Variants in CLVS1 observed in about 807,000 individuals in gnomAD.
CLVS1 encodes clavesin 1, also known as clavesin-1.
CLVS1 carries 10 observed loss-of-function variants against 33.1 expected under a neutral mutation model. That is an observed-to-expected ratio of 0.30 (90% CI 0.19 to 0.51). CLVS1 has a LOEUF of 0.51. Ranked by LOEUF, CLVS1 falls within the 20% of genes least tolerant of loss-of-function variation. The pLI is 0.97. For synonymous variants in CLVS1, 163 were observed against 166.1 expected (o/e 0.98, Z 0.14); for missense variants, 343 against 433.4 (o/e 0.79, Z 1.85).
At chr8:61,223,121 C>A (rs1041409155) in intron 2 of CLVS1, among the ~76,000 whole-genome samples, 1 of 152,000 alleles carries the variant, frequency 6.6e-6, no homozygotes, top group African/African-American at 2.4e-5. Context: ...TAGGTCTTGA[C>A]TCCTTATCCA....
chr8:61,112,711 C>T (rs1456123549), intron 1 of CLVS1, among the ~76,000 whole-genome samples: 1 of 152,158 alleles, frequency 6.6e-6, no homozygotes, highest in African/African-American at 2.4e-5. Context: ...GAACCTCAGA[C>T]TGGAGAAGCA....
intron 1 of CLVS1, among the ~76,000 whole-genome samples, chr8:61,095,918 T>C (rs972565566): frequency 6.6e-6 from 1 of 152,168 alleles, no homozygotes; most frequent in African/African-American, 2.4e-5. Flanking sequence ...TCCTAAAAAC[T>C]ACCCGGGAAT....
In CLVS1 at chr8:61,068,229, G is replaced by GTATATATATATATATA. The variant is rs201671807; in HGVS notation, c.-243+11003_-243+11018dup. 2.4e-4 allele frequency among the ~76,000 whole-genome samples: 24 copies of GTATATATATATATATA among 101,010 alleles called. 1 individual carries two copies. Among genetic ancestry groups the GTATATATATATATATA allele is most frequent in the African/African-American group, 8.0e-4 (22 of 27,480 alleles). 66.3% of individuals were successfully genotyped at this position (101,010 alleles called of 152,430 possible). ...TATATATATATATATGTATGTATGT[G>GTATATATATATATATA]TATATATATATATATATATGTATAT... On this transcript the variant is annotated intron_variant, in intron 1 of 2. Transcript: ENST00000522621.
chr8:61,034,256 A>T, the CLVS1 span, among the ~76,000 whole-genome samples: 2 of 152,150 alleles, frequency 1.3e-5, no homozygotes, highest in African/African-American at 2.4e-5. Context: ...TTTATTTTTA[A>T]TTGACAAATT....
chr8:61,235,139 T>C (rs1486651), intron 2 of CLVS1, among the ~76,000 whole-genome samples: 33,055 of 149,544 alleles, frequency 0.22, 6,244 homozygotes, highest in East Asian at 0.69. Context: ...TCAATGACTC[T>C]GCTTTCCTTT....
intron 1 of CLVS1, among the ~76,000 whole-genome samples, chr8:61,122,242 AC>A (rs1196677321): frequency 6.6e-6 from 1 of 152,198 alleles, no homozygotes; most frequent in East Asian, 1.9e-4. Flanking sequence ...TAATACAGAT[AC>A]TGGTACATTT....
chr8:61,090,825 C>T (rs575114925), intron 1 of CLVS1: 23 of 515,486 alleles, frequency 4.5e-5, no homozygotes, highest in Admixed American at 2.1e-4. Flanking sequence ...CATCTGTACC[C>T]GATTTAGATG....
At chr8:61,019,402 C>T in the CLVS1 span, among the ~76,000 whole-genome samples, 1 of 152,196 alleles carries the variant, frequency 6.6e-6, no homozygotes, top group Admixed American at 6.5e-5. Flanking sequence ...GTGAGAATCT[C>T]ACACTCCATT....
intron 2 of CLVS1, among the ~76,000 whole-genome samples, chr8:61,344,572 T>C (rs1023603440): frequency 6.6e-6 from 1 of 152,326 alleles, no homozygotes; most frequent in East Asian, 1.9e-4. Flanking sequence ...CATGACTCTT[T>C]AGCAATCTGC....
At chr8:61,489,683 G>A (rs1804002717) in intron 5 of CLVS1, among the ~76,000 whole-genome samples, 1 of 152,166 alleles carries the variant, frequency 6.6e-6, no homozygotes, top group African/African-American at 2.4e-5. Context: ...CAGCTGTGGA[G>A]ATACGAAACA....
chr8:61,028,724 T>A, the CLVS1 span, among the ~76,000 whole-genome samples: 1 of 152,188 alleles, frequency 6.6e-6, no homozygotes, highest in Admixed American at 6.5e-5. Flanking sequence ...AGCAAACTGT[T>A]ACCAATGAAA....
chr8:61,265,632 T>C (rs1200781222), intron 2 of CLVS1, among the ~76,000 whole-genome samples: 1 of 152,102 alleles, frequency 6.6e-6, no homozygotes, highest in Non-Finnish European at 1.5e-5. Context: ...ATTTGACCAC[T>C]TCTCACTATT....
intron 2 of CLVS1, among the ~76,000 whole-genome samples, chr8:61,233,970 G>GA (rs966339517): frequency 1.3e-5 from 2 of 152,232 alleles, no homozygotes; most frequent in African/African-American, 4.8e-5. Context: ...TTTTGGTGAG[G>GA]AGTCCCTCAA....
intron 1 of CLVS1, among the ~76,000 whole-genome samples, chr8:61,083,271 T>G (rs1805057884): frequency 6.6e-6 from 1 of 152,130 alleles, no homozygotes; most frequent in Non-Finnish European, 1.5e-5. Flanking sequence ...ATAAAGGGGT[T>G]CCCACTTTCT....
chr8:61,167,280 C>T (rs1025394298), intron 2 of CLVS1, among the ~76,000 whole-genome samples: 7 of 151,094 alleles, frequency 4.6e-5, no homozygotes, highest in South Asian at 2.1e-4. Flanking sequence ...CCGCAACCTT[C>T]GCCTCCCGAG....
intron 2 of CLVS1, among the ~76,000 whole-genome samples, chr8:61,156,349 A>T (rs939604869): frequency 4.6e-5 from 7 of 151,038 alleles, no homozygotes; most frequent in Non-Finnish European, 2.9e-5. Flanking sequence ...AACCTCAACC[A>T]TCTGGTCCCT....
chr8:61,046,780 G>C, the CLVS1 span, among the ~76,000 whole-genome samples: 1 of 151,192 alleles, frequency 6.6e-6, no homozygotes, highest in Admixed American at 6.6e-5. Flanking sequence ...TCATGATTTG[G>C]CTCTCTGTTT....
At chr8:61,094,422 G>T (rs1311426468) in intron 1 of CLVS1, among the ~76,000 whole-genome samples, 5 of 152,124 alleles carry the variant, frequency 3.3e-5, no homozygotes, top group Non-Finnish European at 7.4e-5. Context: ...AATGCTTCGT[G>T]ACATTGTATC....
Position 61,170,215 on chromosome 8 carries a change from A to G in CLVS1, c.-152+38355A>G, listed in dbSNP as rs550859552. On this transcript the variant is annotated intron_variant, in intron 2 of 2. Transcript: ENST00000522621. Reference sequence around the variant, plus strand: ...TCATTTGTTGGGCATTACACTGGCTACTATGTGGTGAGCCAGGTCCTGAAG... The same window carrying G: ...TCATTTGTTGGGCATTACACTGGCTGCTATGTGGTGAGCCAGGTCCTGAAG... Among the ~76,000 whole-genome samples, 420 of 152,242 alleles carry G rather than the reference A, an allele frequency of 2.8e-3. 2 individuals are homozygous for G. Among genetic ancestry groups the G allele is most frequent in the Non-Finnish European group, 4.1e-3 (276 of 68,018 alleles).
Sources: gnomAD v4.1 joint callset for allele counts (sites outside exome capture counted in the v4.1 genomes callset) on GRCh38, gnomAD v4.1.1 for gene constraint, MANE v1.5 for transcripts, NCBI Gene and HGNC (gene_info 2026-07-23, HGNC 2026-07-21) for gene names.